SYNGR1: variants seen among roughly 807,000 people sequenced by gnomAD.
SYNGR1 encodes the protein synaptogyrin 1, also known as synaptogyrin-1.
A neutral mutation model predicts 26.1 loss-of-function variants in SYNGR1; 14 were observed. The observed-to-expected ratio is 0.54, with a 90% confidence interval of 0.35 to 0.84. SYNGR1 has a LOEUF of 0.84. SYNGR1 is among the 40% of genes least tolerant of loss of function. The pLI is 0.01. For missense variants in SYNGR1, 319 were observed against 332.9 expected, an observed-to-expected ratio of 0.96 and a Z score of 0.33; for synonymous variants, 141 against 150.1, an observed-to-expected ratio of 0.94 and a Z score of 0.44.
intron 1 of SYNGR1, among the ~76,000 whole-genome samples, chr22:39,351,214 G>A (rs536327209): frequency 1.3e-5 from 2 of 152,284 alleles, no homozygotes; most frequent in African/African-American, 4.8e-5. Context: ...CTAGGAATGG[G>A]CTAGACTGTC....
chr22:39,374,684 C>A, intron 2 of SYNGR1, 131 bp downstream of exon 2: 1 of 971,118 alleles, frequency 1.0e-6, no homozygotes, highest in Admixed American at 2.0e-5. Context: ...AAGGGATGGA[C>A]TCAGGGTCAC....
At chr22:39,376,739 G>A (rs1471843392) in intron 3 of SYNGR1, among the ~76,000 whole-genome samples, 1 of 151,930 alleles carries the variant, frequency 6.6e-6, no homozygotes, top group Non-Finnish European at 1.5e-5. Context: ...TGAGCAGGCC[G>A]GGTGACACAT....
intron 3 of SYNGR1, among the ~76,000 whole-genome samples, chr22:39,381,208 A>T (rs970943515): frequency 1.3e-5 from 2 of 152,180 alleles, no homozygotes; most frequent in African/African-American, 4.8e-5. Flanking sequence ...TGTTCCAGGC[A>T]TCAGGTCAGA....
intron 3 of SYNGR1, chr22:39,379,793 G>T (rs1175836779): frequency 6.6e-6 from 1 of 152,188 alleles, no homozygotes; most frequent in Non-Finnish European, 1.5e-5. Flanking sequence ...GAAAGGGAAG[G>T]AGGTGAGGGC....
chr22:39,366,649 A>AAT (rs1385165634), intron 1 of SYNGR1, among the ~76,000 whole-genome samples: 49 of 151,468 alleles, frequency 3.2e-4, no homozygotes, highest in Admixed American at 2.0e-4. Context: ...CCATCTCAAA[A>AAT]ATATATATAT....
At chr22:39,372,513 C>CAAT (rs1188396571) in intron 1 of SYNGR1, among the ~76,000 whole-genome samples, 1 of 131,382 alleles carries the variant, frequency 7.6e-6, no homozygotes, top group East Asian at 2.4e-4. Flanking sequence ...TGCAATAGCA[C>CAAT]AATCTCGGCT....
intron 3 of SYNGR1, chr22:39,377,009 C>G (rs1478812869): frequency 6.4e-7 from 1 of 1,550,948 alleles, no homozygotes; most frequent in South Asian, 1.2e-5. Context: ...AATCACCCTT[C>G]TGCAGAGATC....
chr22:39,360,092 A>T (rs5757632), intron 1 of SYNGR1, among the ~76,000 whole-genome samples: 1 of 151,974 alleles, frequency 6.6e-6, no homozygotes, highest in Non-Finnish European at 1.5e-5. Context: ...GGTTAAATTC[A>T]GTCCTAGGCA....
intron 1 of SYNGR1, among the ~76,000 whole-genome samples, chr22:39,365,366 A>G (rs543154238): frequency 1.3e-5 from 2 of 151,954 alleles, no homozygotes; most frequent in Non-Finnish European, 1.5e-5. Flanking sequence ...TCAAGCCTCA[A>G]CTCCACTCCT....
chr22:39,356,222 T>C (rs1024237163), intron 1 of SYNGR1, among the ~76,000 whole-genome samples: 1 of 131,516 alleles, frequency 7.6e-6, no homozygotes, highest in African/African-American at 2.9e-5. Context: ...ACCCGGCTAA[T>C]TTTTATATTT....
chr22:39,356,600 G>T (rs977661946), intron 1 of SYNGR1, among the ~76,000 whole-genome samples: 1 of 152,144 alleles, frequency 6.6e-6, no homozygotes, highest in East Asian at 1.9e-4. Flanking sequence ...AAGAGAGGAG[G>T]AGAAGCCAGG....
chr22:39,377,939 G>A (rs530619580), intron 3 of SYNGR1: 3 of 1,328,362 alleles, frequency 2.3e-6, no homozygotes, highest in East Asian at 7.0e-5. Context: ...GATGAATTAG[G>A]TGGGGTCCTT....
intron 1 of SYNGR1, among the ~76,000 whole-genome samples, chr22:39,373,458 G>A (rs1428198153): frequency 6.8e-6 from 1 of 146,328 alleles, no homozygotes; most frequent in Non-Finnish European, 1.5e-5. Flanking sequence ...GAGCGACCAC[G>A]CCTGGCCCGA....
chr22:39,380,779 C>T (rs925399575), intron 3 of SYNGR1, among the ~76,000 whole-genome samples: 27 of 151,726 alleles, frequency 1.8e-4, no homozygotes, highest in Admixed American at 8.6e-4. Flanking sequence ...GCCACCATGC[C>T]CAGCTAATTT....
At chr22:39,364,708 C>T (rs1456569946) in intron 1 of SYNGR1, among the ~76,000 whole-genome samples, 1 of 152,164 alleles carries the variant, frequency 6.6e-6, no homozygotes, top group Admixed American at 6.5e-5. Context: ...GGACACCACC[C>T]ACTCTCAGCC....
At chr22:39,361,287 G>A (rs1041704691) in intron 1 of SYNGR1, among the ~76,000 whole-genome samples, 9 of 152,050 alleles carry the variant, frequency 5.9e-5, no homozygotes, top group African/African-American at 2.2e-4. Flanking sequence ...CAGGCATGCA[G>A]GGACTGGCAG....
Position 39,350,052 on chromosome 22 carries a change from C to G in SYNGR1, c.42C>G (p.Ala14=). The G allele has an allele frequency of 7.0e-7, 1 of 1,437,038 alleles. No homozygotes were observed. The highest frequency in any genetic ancestry group is 3.2e-5 in the East Asian group (1 of 31,678). 89.0% of individuals were successfully genotyped at this position (1,437,038 alleles called of 1,614,324 possible). A position where few individuals can be genotyped will look rare whatever the true frequency, so the allele number is the denominator to read the frequency against. ...ACGGAGCGGGCAAAGCCGGGGGCGC[C>G]TTCGACCCCTACACCCTGGTCCGGC... is the stretch of plus-strand genomic sequence containing the variant. The part of the protein sequence containing the change: ...GAYGAGKAGG[A]FDPYTLVRQP... The change falls in exon 1 of 4, where the codon GCC becomes GCG. Residue 14 remains alanine (A), a synonymous_variant. Coordinates refer to ENST00000328933, the MANE Select transcript of SYNGR1 (RefSeq NM_004711.5). This position sits in a 1 kb window ranked among gnomAD's most constrained non-coding sequence, Gnocchi z 4.3.
At chr22:39,374,928 G>A in intron 2 of SYNGR1, 1 of 345,080 alleles carries the variant, frequency 2.9e-6, no homozygotes, top group South Asian at 2.6e-5. Context: ...GTGACTGGGT[G>A]CCCAGTGCAC....
chr22:39,384,951 C>T lies in SYNGR1; in HGVS notation c.*3037C>T, dbSNP rs536471415. On this transcript the variant is annotated 3_prime_UTR_variant, in exon 4 of 4. Transcript: ENST00000328933. Reference sequence around the variant, plus strand: ...GCAGTCACAGACTGTCCTGCCTGCACGGCTCCTATCCACCTGGGGGTGTCG... The same window carrying T: ...GCAGTCACAGACTGTCCTGCCTGCATGGCTCCTATCCACCTGGGGGTGTCG... 12 of 398,946 alleles carry T rather than the reference C, an allele frequency of 3.0e-5. No individual in the cohort carries two copies. Among genetic ancestry groups the T allele is most frequent in the Non-Finnish European group, 4.4e-5 (10 of 226,190 alleles). The allele number at this position is 398,946 out of a possible 1,614,324, so 24.7% of individuals were successfully genotyped here. A position where few individuals can be genotyped will look rare whatever the true frequency, so the allele number is the denominator to read the frequency against.
Sources: allele counts gnomAD v4.1 joint callset (sites outside exome capture counted in the v4.1 genomes callset), GRCh38; gene constraint gnomAD v4.1.1; non-coding constraint Gnocchi (gnomAD v3.1); transcripts MANE v1.5; gene names NCBI Gene and HGNC (gene_info 2026-07-23, HGNC 2026-07-21).